Variants in ATG10 observed in about 807,000 individuals in gnomAD.
ATG10 encodes the protein autophagy related 10, also known as ubiquitin-like-conjugating enzyme ATG10.
Under a neutral mutation model 32.1 loss-of-function variants are expected in ATG10, and 30 were observed. The observed-to-expected ratio is 0.94, with a 90% CI of 0.70 to 1.27. ATG10 has a LOEUF of 1.27. ATG10 is among the 50% of genes most tolerant of loss of function. The probability of loss-of-function intolerance (pLI) is 0.00; values close to 1 mark genes in which losing one functional copy is unlikely to be tolerated. For synonymous variants in ATG10, 87 were observed against 91.5 expected (o/e 0.95, Z 0.28); for missense variants, 233 against 262.3 (o/e 0.89, Z 0.77).
At chr5:82,200,499 A>G (rs1179823988) in intron 5 of ATG10, among the ~76,000 whole-genome samples, 5 of 86,756 alleles carry the variant, frequency 5.8e-5, no homozygotes, top group African/African-American at 2.5e-4. Flanking sequence ...TTTGAGGGAC[A>G]GGGTCTGACT....
intron 2 of ATG10, among the ~76,000 whole-genome samples, chr5:82,002,944 C>G (rs1242678102): frequency 6.6e-6 from 1 of 151,772 alleles, no homozygotes; most frequent in Non-Finnish European, 1.5e-5. Context: ...AATAAAAGTT[C>G]AAAAAAACGA....
chr5:82,064,344 A>AT lies in ATG10; in HGVS notation c.216+5755dup, dbSNP rs532978671. Among the ~76,000 whole-genome samples, 229 of 146,566 alleles carry AT rather than the reference A, an allele frequency of 1.6e-3. 1 individual carries two copies. In the South Asian group the frequency reaches 0.03, roughly 19 times the overall value. On this transcript the variant is annotated intron_variant, in intron 3 of 7. Coordinates refer to ENST00000282185, the MANE Select transcript of ATG10 (RefSeq NM_031482.5). ...AAATATATGATGATCAAAAGTCTAAATTTTTTTTTTTTTACATTTTTCTTC... is the reference window on the plus strand; with the variant it reads ...AAATATATGATGATCAAAAGTCTAAATTTTTTTTTTTTTTACATTTTTCTTC...
chr5:82,047,632 A>AT (rs1763272261), intron 2 of ATG10, among the ~76,000 whole-genome samples: 1 of 152,008 alleles, frequency 6.6e-6, no homozygotes, highest in African/African-American at 2.4e-5. Context: ...CAAGTGGCTA[A>AT]TTTTTTCTGC....
At chr5:82,133,528 G>C (rs564383234) in intron 3 of ATG10, among the ~76,000 whole-genome samples, 2 of 152,118 alleles carry the variant, frequency 1.3e-5, no homozygotes, top group Admixed American at 6.5e-5. Context: ...AGATCAGATG[G>C]TTGTAGATGT....
At chr5:82,164,577 T>A (rs1239609114) in intron 4 of ATG10, 40 bp downstream of exon 4, 1 of 1,538,520 alleles carries the variant, frequency 6.5e-7, no homozygotes, top group African/African-American at 1.4e-5. Flanking sequence ...TTTATAACAT[T>A]TACATATAAA....
chr5:82,251,600 C>T (rs935489356), intron 5 of ATG10, among the ~76,000 whole-genome samples: 2 of 152,212 alleles, frequency 1.3e-5, no homozygotes, highest in Non-Finnish European at 2.9e-5. Context: ...GCCCCGTCAT[C>T]TGCTGGTGTA....
chr5:82,014,284 G>T (rs1238979125), intron 2 of ATG10, among the ~76,000 whole-genome samples: 1 of 152,186 alleles, frequency 6.6e-6, no homozygotes, highest in African/African-American at 2.4e-5. Flanking sequence ...GCGATGTGGT[G>T]CTGAGAAGAA....
At chr5:82,103,507 G>A (rs1380335295) in intron 3 of ATG10, among the ~76,000 whole-genome samples, 1 of 152,094 alleles carries the variant, frequency 6.6e-6, no homozygotes, top group Non-Finnish European at 1.5e-5. Flanking sequence ...CCTGGGGCTT[G>A]TTAACAGGTC....
chr5:82,106,112 G>T (rs973460768), intron 3 of ATG10, among the ~76,000 whole-genome samples: 5 of 152,036 alleles, frequency 3.3e-5, no homozygotes, highest in Non-Finnish European at 2.9e-5. Context: ...TCAAGAATGT[G>T]CATGAAACCT....
Position 82,098,881 on chromosome 5 carries a change from A to G in ATG10, c.216+40279A>G, listed in dbSNP as rs143463981. Among the ~76,000 whole-genome samples the G allele has an allele frequency of 2.5e-3, 376 of 152,356 alleles. 2 individuals are homozygous for G. The highest frequency in any genetic ancestry group is 8.7e-3 in the African/African-American group (360 of 41,586). On this transcript the variant is annotated intron_variant, in intron 3 of 7. Coordinates refer to ENST00000282185, the MANE Select transcript of ATG10 (RefSeq NM_031482.5). The stretch of plus-strand genomic sequence containing the variant: ...TTTGTCCAACTCACCCACAACATTT[A>G]GACTTGTTGGCAGCATTGAAGTAAA...
At chr5:81,980,385 G>T (rs1166988237) in intron 1 of ATG10, among the ~76,000 whole-genome samples, 1 of 152,000 alleles carries the variant, frequency 6.6e-6, no homozygotes, top group Non-Finnish European at 1.5e-5. Context: ...AATGTTTTTG[G>T]TTTACTTACC....
At chr5:82,035,212 AATTT>A (rs766260369) in intron 2 of ATG10, among the ~76,000 whole-genome samples, 1 of 152,072 alleles carries the variant, frequency 6.6e-6, no homozygotes, top group Non-Finnish European at 1.5e-5. Flanking sequence ...GCACCTGGCC[AATTT>A]ATTTAGTTTT....
chr5:82,075,701 T>C (rs1207629331), intron 3 of ATG10, among the ~76,000 whole-genome samples: 1 of 152,154 alleles, frequency 6.6e-6, no homozygotes, highest in East Asian at 1.9e-4. Flanking sequence ...TTTGGCAGGC[T>C]GAGGCAGGTA....
chr5:82,224,856 C>T (rs1746056947), intron 5 of ATG10, among the ~76,000 whole-genome samples: 2 of 152,156 alleles, frequency 1.3e-5, no homozygotes, highest in African/African-American at 4.8e-5. Context: ...GGATGATATT[C>T]CTGTCACAAG....
intron 3 of ATG10, among the ~76,000 whole-genome samples, chr5:82,096,585 T>C (rs1765073533): frequency 6.6e-6 from 1 of 152,118 alleles, no homozygotes. Flanking sequence ...GTCCATAGAT[T>C]GTGGACTAGG....
At chr5:82,000,688 T>C (rs927934141) in intron 2 of ATG10, among the ~76,000 whole-genome samples, 3 of 151,592 alleles carry the variant, frequency 2.0e-5, no homozygotes, top group African/African-American at 7.3e-5. Flanking sequence ...TGAGATGGAG[T>C]CTCTGTCGCC....
chr5:82,253,281 G>A (rs774020697), intron 6 of ATG10, 33 bp from the exon 7 acceptor site: 39 of 1,434,202 alleles, frequency 2.7e-5, no homozygotes, highest in South Asian at 5.8e-5. Context: ...CAATGGAAAC[G>A]TTAGCATGGC....
At chr5:82,132,856 A>G (rs1209441147) in intron 3 of ATG10, among the ~76,000 whole-genome samples, 1 of 152,126 alleles carries the variant, frequency 6.6e-6, no homozygotes, top group Non-Finnish European at 1.5e-5. Flanking sequence ...ACTCCGACCA[A>G]CAGTGTAAAA....
At chr5:82,253,872 GT>G (rs1747361634) in intron 7 of ATG10, among the ~76,000 whole-genome samples, 195 bp from the exon 8 acceptor site, 1 of 152,192 alleles carries the variant, frequency 6.6e-6, no homozygotes, top group Admixed American at 6.5e-5. Context: ...TGTGAAAATG[GT>G]TTTCCCTGAA....
Sources: allele counts gnomAD v4.1 joint callset (sites outside exome capture counted in the v4.1 genomes callset), GRCh38; gene constraint gnomAD v4.1.1; transcripts MANE v1.5; gene names NCBI Gene and HGNC (gene_info 2026-07-23, HGNC 2026-07-21).